NMU: variants seen among roughly 807,000 people sequenced by gnomAD.
NMU encodes the protein neuromedin-U.
Under a neutral mutation model 35.4 loss-of-function variants are expected in NMU, and 29 were observed. That is an observed-to-expected ratio of 0.82 (90% CI 0.61 to 1.12). The LOEUF is 1.12. NMU is among the 50% of genes most tolerant of loss of function. The pLI, the probability that NMU is intolerant of heterozygous loss-of-function variation, is 0.00. For synonymous variants in NMU, 78 were observed against 81.3 expected (o/e 0.96, Z 0.22); for missense variants, 199 against 206.2 (o/e 0.97, Z 0.21).
chr4:55,633,182 G>C (rs560715371), intron 1 of NMU, among the ~76,000 whole-genome samples: 1 of 151,760 alleles, frequency 6.6e-6, no homozygotes, highest in Admixed American at 6.6e-5. Flanking sequence ...AAAATTAGCC[G>C]GGCATGGTGG....
At chr4:55,606,938 A>T (rs2110190651) in intron 6 of NMU, among the ~76,000 whole-genome samples, 1 of 152,156 alleles carries the variant, frequency 6.6e-6, no homozygotes, top group Non-Finnish European at 1.5e-5. Context: ...TCGGCCTCCC[A>T]AACTGCTGGG....
chr4:55,628,044 A>C (rs1734604145), intron 2 of NMU, among the ~76,000 whole-genome samples: 1 of 152,230 alleles, frequency 6.6e-6, no homozygotes, highest in African/African-American at 2.4e-5. Context: ...GAAAGAAGAA[A>C]TTGTTCCTTC....
chr4:55,609,858 T>C (rs1451344006), intron 3 of NMU, among the ~76,000 whole-genome samples: 2 of 152,098 alleles, frequency 1.3e-5, no homozygotes, highest in African/African-American at 4.8e-5. Context: ...AGTAGCACCA[T>C]AAACAATTGA....
At chr4:55,624,204 A>G (rs1473737158) in intron 2 of NMU, among the ~76,000 whole-genome samples, 1 of 136,550 alleles carries the variant, frequency 7.3e-6, no homozygotes, top group Non-Finnish European at 1.6e-5. Flanking sequence ...TGCACAGCAA[A>G]AGAAACTACC....
chr4:55,636,139 C>G lies in NMU; in HGVS notation c.54G>C (p.Ala18=). ...RPRSPAGQVA[A]ASPLLLLLLL... is the part of the protein sequence containing the mutation. ...GCAGCAGCAGCAGGAGCGGGGACGC[C>G]GCGGCCACCTGTCCGGCGGGCGACC... The change falls in exon 1 of 10, where the codon GCG becomes GCC. Residue 18 remains alanine, a synonymous_variant. Coordinates refer to ENST00000264218, the MANE Select transcript of NMU (RefSeq NM_006681.4). The surrounding 1 kb of genome is among the most constrained non-coding windows in gnomAD (Gnocchi z 4.0). 6.6e-7 allele frequency: 1 copy of G among 1,522,760 alleles called. No individual in the cohort carries two copies. The highest frequency in any genetic ancestry group is 8.8e-7 in the Non-Finnish European group (1 of 1,141,432). 94.3% of individuals were successfully genotyped at this position (1,522,760 alleles called of 1,614,324 possible).
intron 4 of NMU, 74 bp from the exon 5 acceptor site, chr4:55,607,540 A>C: frequency 5.5e-6 from 3 of 547,944 alleles, no homozygotes; most frequent in South Asian, 2.9e-5. Flanking sequence ...TAATTTTATA[A>C]TGTTATAACA....
chr4:55,617,237 G>A (rs954667836), intron 2 of NMU, among the ~76,000 whole-genome samples: 3 of 152,070 alleles, frequency 2.0e-5, no homozygotes, highest in Non-Finnish European at 4.4e-5. Flanking sequence ...ATACTCTACT[G>A]TCATAAATTC....
chr4:55,630,520 C>G (rs1734713355), intron 1 of NMU, 60 bp from the exon 2 acceptor site: 6 of 1,272,234 alleles, frequency 4.7e-6, no homozygotes, highest in African/African-American at 1.5e-5. Context: ...AATTAAATAT[C>G]CATATATAAT....
At chr4:55,617,485 C>A (rs1734151538) in intron 2 of NMU, among the ~76,000 whole-genome samples, 1 of 151,962 alleles carries the variant, frequency 6.6e-6, no homozygotes, top group South Asian at 2.1e-4. Flanking sequence ...CTCTTCCTTG[C>A]CATACAAACC....
At chr4:55,616,583 G>A (rs3805389) in intron 2 of NMU, among the ~76,000 whole-genome samples, 198 bp from the exon 3 acceptor site, 34,503 of 152,088 alleles carry the variant, frequency 0.23, 4,241 homozygotes, top group South Asian at 0.27. Context: ...ATGTCCCCCT[G>A]ACCGCAGGGT....
chr4:55,619,816 CT>C (rs1734305562), intron 2 of NMU, among the ~76,000 whole-genome samples: 2 of 145,538 alleles, frequency 1.4e-5, no homozygotes, highest in African/African-American at 5.0e-5. Context: ...AGCTGGAGAT[CT>C]GAGAACTGGC....
At chr4:55,634,462 C>A (rs1183788532) in intron 1 of NMU, among the ~76,000 whole-genome samples, 1 of 152,062 alleles carries the variant, frequency 6.6e-6, no homozygotes, top group Non-Finnish European at 1.5e-5. Flanking sequence ...GAAATATAAA[C>A]CAAGACTCAT....
At chr4:55,615,117 A>C (rs1353925035) in intron 3 of NMU, among the ~76,000 whole-genome samples, 1 of 152,228 alleles carries the variant, frequency 6.6e-6, no homozygotes, top group East Asian at 1.9e-4. Context: ...GATGACTCTG[A>C]AAGCAGCAGC....
chr4:55,597,389 C>CT (rs531123697), intron 9 of NMU, among the ~76,000 whole-genome samples: 1,729 of 148,570 alleles, frequency 0.012, 18 homozygotes, highest in South Asian at 0.021. Flanking sequence ...GCATAGTTTC[C>CT]TTTTTTTTTG....
At chr4:55,633,869 G>A (rs1428587736) in intron 1 of NMU, among the ~76,000 whole-genome samples, 1 of 152,194 alleles carries the variant, frequency 6.6e-6, no homozygotes, top group Non-Finnish European at 1.5e-5. Flanking sequence ...TATTGTCACA[G>A]GCAAAATCAA....
chr4:55,613,934 T>C (rs1734026122), intron 3 of NMU, among the ~76,000 whole-genome samples: 1 of 152,160 alleles, frequency 6.6e-6, no homozygotes, highest in Non-Finnish European at 1.5e-5. Flanking sequence ...AAATGATATA[T>C]TCCCAAAACA....
At chr4:55,617,718 T>TC (rs1734165873) in intron 2 of NMU, among the ~76,000 whole-genome samples, 1 of 152,214 alleles carries the variant, frequency 6.6e-6, no homozygotes, top group South Asian at 2.1e-4. Flanking sequence ...CCTCCAAATG[T>TC]CACCTTCTGT....
intron 9 of NMU, among the ~76,000 whole-genome samples, chr4:55,597,696 A>AT (rs1243699492): frequency 6.6e-6 from 1 of 152,026 alleles, no homozygotes; most frequent in African/African-American, 2.4e-5. Flanking sequence ...ACATATTCCA[A>AT]TTTTTTCCCC....
At chr4:55,631,102 G>T (rs1225753710) in intron 1 of NMU, among the ~76,000 whole-genome samples, 1 of 152,104 alleles carries the variant, frequency 6.6e-6, no homozygotes, top group Admixed American at 6.6e-5. Flanking sequence ...TCAATAAATG[G>T]TGCTAGGAAA....
Sources: gnomAD v4.1 joint callset for allele counts (sites outside exome capture counted in the v4.1 genomes callset) on GRCh38, gnomAD v4.1.1 for gene constraint, Gnocchi (gnomAD v3.1) non-coding constraint, MANE v1.5 for transcripts, NCBI Gene and HGNC (gene_info 2026-07-23, HGNC 2026-07-21) for gene names.